The following CAPRIN2 variants were observed in gnomAD, a reference collection of about 807,000 sequenced individuals.
CAPRIN2 encodes caprin-2.
Under a neutral mutation model 130.4 loss-of-function variants are expected in CAPRIN2, and 66 were observed. The ratio of observed to expected loss-of-function variants is 0.51; its 90% CI spans 0.42 to 0.62. CAPRIN2 has a LOEUF of 0.62. CAPRIN2 is among the 20% of genes least tolerant of loss of function. The pLI is 0.00. For missense variants in CAPRIN2, 1,185 were observed against 1,246.6 expected, an observed-to-expected ratio of 0.95 and a Z score of 0.74; for synonymous variants, 471 against 444.1, an observed-to-expected ratio of 1.06 and a Z score of -0.76.
chr12:30,726,942 A>AT (rs1189756985), intron 8 of CAPRIN2, among the ~76,000 whole-genome samples: 1 of 152,166 alleles, frequency 6.6e-6, no homozygotes, highest in Non-Finnish European at 1.5e-5. Flanking sequence ...GAAAAATACT[A>AT]TATTACACAT....
Position 30,711,718 on chromosome 12 carries a change from T to A in CAPRIN2, c.2602-89A>T, listed in dbSNP as rs938642313. The A allele has an allele frequency of 5.0e-6, 5 of 1,009,564 alleles. No homozygotes were observed. In the Admixed American group the frequency reaches 7.1e-5, roughly 14 times the overall value. 62.5% of individuals were successfully genotyped at this position (1,009,564 alleles called of 1,614,324 possible). A position where few individuals can be genotyped will look rare whatever the true frequency, so the allele number is the denominator to read the frequency against. On this transcript the variant is annotated intron_variant, in intron 15 of 16. Transcript: ENST00000298892. ...CAGGACTACCGGCTGGCAAATAAGA[T>A]TAGTCCCCTTAGTTCTTTACCTGGC...
chr12:30,709,863 T>A (rs767407050), exon 17 of CAPRIN2: 2 of 1,558,178 alleles, frequency 1.3e-6, no homozygotes, highest in Admixed American at 3.7e-5. Flanking sequence ...TCCCACTAAT[T>A]AGAACACCAT....
At chr12:30,709,765 A>G in exon 17 of CAPRIN2, 1 of 966,694 alleles carries the variant, frequency 1.0e-6, no homozygotes, top group Non-Finnish European at 1.5e-6. Context: ...AGGAAGGAAA[A>G]CAAAAAAGTA....
At chr12:30,733,554 C>A (rs1592147367) in intron 5 of CAPRIN2, 75 bp downstream of exon 6, 8 of 940,874 alleles carry the variant, frequency 8.5e-6, no homozygotes, top group Admixed American at 1.7e-5. Flanking sequence ...ACAGTTTAGA[C>A]CCTCAATATC....
upstream of CAPRIN2, chr12:30,754,950 A>C (rs2140174319): frequency 6.6e-6 from 1 of 151,702 alleles, no homozygotes; most frequent in African/African-American, 2.4e-5. Context: ...GCTCGCGCCC[A>C]GGCCCGCCCA....
At chr12:30,741,097 C>G in exon 3 of CAPRIN2, 1 of 1,594,092 alleles carries the variant, frequency 6.3e-7, no homozygotes, top group East Asian at 2.2e-5. Flanking sequence ...TCATATTTCT[C>G]TACAGCTTCC....
At chr12:30,737,699 GC>G (rs2138710307) in intron 3 of CAPRIN2, among the ~76,000 whole-genome samples, 1 of 150,044 alleles carries the variant, frequency 6.7e-6, no homozygotes, top group East Asian at 2.0e-4. Context: ...CCGGGTTCAC[GC>G]CATTCTCCTG....
chr12:30,735,130 G>A, exon 4 of CAPRIN2: 2 of 1,614,150 alleles, frequency 1.2e-6, no homozygotes, highest in Non-Finnish European at 1.7e-6. Context: ...TTGAAGTATA[G>A]TTCGAAGCTT....
At chr12:30,740,631 A>G (rs999363856) in intron 3 of CAPRIN2, among the ~76,000 whole-genome samples, 2 of 152,220 alleles carry the variant, frequency 1.3e-5, no homozygotes, top group South Asian at 2.1e-4. Context: ...CTGTTGTCTC[A>G]TATGTTAAAT....
At chr12:30,713,910 A>AAAAAAGTTTAATAT in intron 14 of CAPRIN2, 25 bp from the exon 17 acceptor site, 1 of 1,309,974 alleles carries the variant, frequency 7.6e-7, no homozygotes, top group East Asian at 2.3e-5. Context: ...AACTTACATA[A>AAAAAAGTTTAATAT]GATTATGGAC....
At chr12:30,714,973 G>A in exon 14 of CAPRIN2, 2 of 1,613,528 alleles carry the variant, frequency 1.2e-6, no homozygotes, top group Non-Finnish European at 1.7e-6. Context: ...ATAACCACCA[G>A]GGGACCGATA....
At chr12:30,719,383 A>C in intron 12 of CAPRIN2, 158 bp from the exon 14 acceptor site, 14 of 785,994 alleles carry the variant, frequency 1.8e-5, no homozygotes, top group Non-Finnish European at 2.8e-5. Context: ...TTCAAATCTC[A>C]ATTGCTGAGG....
intron 6 of CAPRIN2, among the ~76,000 whole-genome samples, chr12:30,730,592 G>A (rs2062347318): frequency 6.6e-6 from 1 of 151,982 alleles, no homozygotes; most frequent in Non-Finnish European, 1.5e-5. Context: ...TTTTTTTCAA[G>A]TTAGCATTAT....
intron 15 of CAPRIN2, 120 bp from the exon 18 acceptor site, chr12:30,711,749 C>A: frequency 1.3e-6 from 1 of 793,540 alleles, no homozygotes; most frequent in South Asian, 1.4e-5. Flanking sequence ...CTGGCCTTCC[C>A]CAGCAACCAA....
chr12:30,729,206 A>G, exon 8 of CAPRIN2: 3 of 1,614,038 alleles, frequency 1.9e-6, no homozygotes, highest in African/African-American at 2.7e-5. Context: ...CATCTGGTTC[A>G]GTAAGCATAT....
At chr12:30,724,146 C>G (rs2060211910) in intron 10 of CAPRIN2, among the ~76,000 whole-genome samples, 1 of 152,194 alleles carries the variant, frequency 6.6e-6, no homozygotes. Context: ...TTTCCATTCA[C>G]CCATCCAGAG....
intron 3 of CAPRIN2, among the ~76,000 whole-genome samples, chr12:30,739,104 A>G (rs938306035): frequency 5.3e-5 from 8 of 152,316 alleles, no homozygotes; most frequent in Admixed American, 2.6e-4. Context: ...ACAGGCATGC[A>G]TATGTTCATT....
chr12:30,717,319 G>C (rs1371960269), intron 12 of CAPRIN2, among the ~76,000 whole-genome samples: 1 of 152,170 alleles, frequency 6.6e-6, no homozygotes, highest in East Asian at 1.9e-4. Flanking sequence ...AGTGCAGTAA[G>C]CCAGATACAA....
intron 2 of CAPRIN2, among the ~76,000 whole-genome samples, chr12:30,750,072 G>A (rs1020771688): frequency 7.2e-5 from 11 of 152,116 alleles, no homozygotes; most frequent in Non-Finnish European, 1.6e-4. Flanking sequence ...TGAACACACC[G>A]TGATTTTAAA....
Sources: allele counts gnomAD v4.1 joint callset (sites outside exome capture counted in the v4.1 genomes callset), GRCh38; gene constraint gnomAD v4.1.1; transcripts MANE v1.5; gene names NCBI Gene and HGNC (gene_info 2026-07-23, HGNC 2026-07-21).